Variants in ME1 observed in about 807,000 individuals in gnomAD.
ME1 encodes the protein NADP-dependent malic enzyme.
Under a neutral mutation model 66.4 loss-of-function variants are expected in ME1, and 74 were observed. The ratio of observed to expected loss-of-function variants is 1.11; its 90% CI spans 0.92 to 1.35. ME1 has a LOEUF of 1.35. Among genes scored for constraint, ME1 ranks in the 40% most tolerant of loss-of-function variants. ME1 has a pLI of 0.00. For synonymous variants in ME1, 251 were observed against 235.6 expected (o/e 1.07, Z -0.60); for missense variants, 750 against 694.1 (o/e 1.08, Z -0.90).
intron 8 of ME1, among the ~76,000 whole-genome samples, chr6:83,239,301 C>T (rs749761278): frequency 6.6e-5 from 10 of 151,948 alleles, no homozygotes; most frequent in Non-Finnish European, 1.2e-4. Flanking sequence ...CAAATACCTA[C>T]GGCAACATTT....
intron 3 of ME1, among the ~76,000 whole-genome samples, chr6:83,373,016 C>T (rs1769221849): frequency 6.6e-6 from 1 of 152,158 alleles, no homozygotes; most frequent in African/African-American, 2.4e-5. Flanking sequence ...CCCAGATATA[C>T]TGGCTAAAAC....
intron 6 of ME1, among the ~76,000 whole-genome samples, chr6:83,304,369 A>G (rs544776402): frequency 6.6e-6 from 1 of 152,328 alleles, no homozygotes; most frequent in Admixed American, 6.5e-5. Flanking sequence ...AAGAAATGTC[A>G]TTCTATGACA....
At position 83,401,292 on chromosome 6, in the gene ME1, G is replaced by A. The variant is rs529541895; in HGVS notation, c.213-2776C>T. On this transcript the variant is annotated intron_variant, in intron 2 of 13. Coordinates refer to ENST00000369705, the MANE Select transcript of ME1 (RefSeq NM_002395.6). The stretch of plus-strand genomic sequence containing the variant: ...TGAGACTACAGTGAGCTATGGTCAC[G>A]TCAGTGCACTGCAGCCTGGGCAATA... Among the ~76,000 whole-genome samples, 22 of 152,232 alleles carry A rather than the reference G, an allele frequency of 1.4e-4. No individual in the cohort carries two copies. In the East Asian group the frequency reaches 2.5e-3, roughly 17 times the overall value.
At chr6:83,234,903 G>A (rs1387047057) in intron 9 of ME1, among the ~76,000 whole-genome samples, 6 of 152,118 alleles carry the variant, frequency 3.9e-5, no homozygotes, top group Admixed American at 3.9e-4. Context: ...TCTCCTGTCT[G>A]TAAAGTGACT....
At chr6:83,247,182 G>A (rs1790639997) in intron 7 of ME1, among the ~76,000 whole-genome samples, 1 of 152,072 alleles carries the variant, frequency 6.6e-6, no homozygotes. Flanking sequence ...AGAGTGTCAT[G>A]TTACAGAGTA....
At chr6:83,346,133 T>A (rs1405426166) in intron 5 of ME1, 40 bp downstream of exon 5, 4 of 1,430,086 alleles carry the variant, frequency 2.8e-6, no homozygotes, top group Non-Finnish European at 3.7e-6. Flanking sequence ...GATGCCATTT[T>A]TAAAGGTACA....
intron 1 of ME1, among the ~76,000 whole-genome samples, chr6:83,411,241 G>A (rs1330032788): frequency 6.6e-6 from 1 of 152,136 alleles, no homozygotes; most frequent in African/African-American, 2.4e-5. Context: ...GCATGTACCT[G>A]TACTCCCAGC....
chr6:83,312,773 G>A (rs984316589), intron 6 of ME1, among the ~76,000 whole-genome samples: 1 of 151,866 alleles, frequency 6.6e-6, no homozygotes, highest in Admixed American at 6.6e-5. Flanking sequence ...ATTTTTTTAA[G>A]AAAGAGTCTT....
At chr6:83,412,265 A>G (rs1194410362) in intron 1 of ME1, among the ~76,000 whole-genome samples, 2 of 152,174 alleles carry the variant, frequency 1.3e-5, no homozygotes, top group East Asian at 3.8e-4. Flanking sequence ...TATCTTATTC[A>G]TAAAGATCTT....
At chr6:83,374,532 C>G (rs1237940256) in intron 3 of ME1, among the ~76,000 whole-genome samples, 2 of 152,040 alleles carry the variant, frequency 1.3e-5, no homozygotes, top group African/African-American at 4.8e-5. Context: ...AAAATTTTCT[C>G]CCATTCTGGA....
chr6:83,383,505 A>C (rs547850237), intron 3 of ME1, among the ~76,000 whole-genome samples: 8 of 152,028 alleles, frequency 5.3e-5, no homozygotes, highest in African/African-American at 1.9e-4. Context: ...GATAAACTCC[A>C]AAGTACTTTT....
At chr6:83,347,695 G>A (rs1343611329) in intron 4 of ME1, among the ~76,000 whole-genome samples, 1 of 151,990 alleles carries the variant, frequency 6.6e-6, no homozygotes, top group African/African-American at 2.4e-5. Context: ...GATATATAAA[G>A]AACTTACCAC....
intron 9 of ME1, among the ~76,000 whole-genome samples, chr6:83,231,577 G>A (rs7766207): frequency 0.04 from 6,085 of 152,120 alleles, 379 homozygotes; most frequent in African/African-American, 0.14. Context: ...TTCTAAATCC[G>A]GTAATACTGA....
At chr6:83,283,534 C>A (rs1015011817) in intron 6 of ME1, among the ~76,000 whole-genome samples, 8 of 151,952 alleles carry the variant, frequency 5.3e-5, no homozygotes, top group South Asian at 4.2e-4. Context: ...CACATGTATA[C>A]CTGTGTAACA....
intron 8 of ME1, among the ~76,000 whole-genome samples, chr6:83,238,366 T>C (rs2128525691): frequency 6.6e-6 from 1 of 152,308 alleles, no homozygotes; most frequent in Non-Finnish European, 1.5e-5. Context: ...GTAAATTTTA[T>C]AATTATCTGT....
intron 3 of ME1, among the ~76,000 whole-genome samples, chr6:83,376,804 C>CA (rs70987750): frequency 0.17 from 14,871 of 87,138 alleles, 2,301 homozygotes; most frequent in African/African-American, 0.38. Context: ...CCCTGTCTCA[C>CA]AAAAAAAAAA....
At chr6:83,239,823 T>C (rs1285230031) in intron 7 of ME1, among the ~76,000 whole-genome samples, 187 bp from the exon 8 acceptor site, 1 of 152,080 alleles carries the variant, frequency 6.6e-6, no homozygotes, top group Non-Finnish European at 1.5e-5. Flanking sequence ...TATTTTAAGA[T>C]AGCAGCTTAC....
rs150005855 is a variant in ME1 at position 83,247,289 on chromosome 6, C to T, written c.814+6340G>A. ...CCTTATTTTTTTCAGTCTGAATTTG[C>T]TGAATTCTGTTTGTCTTCAGATTAT... On this transcript the variant is annotated intron_variant, in intron 7 of 13. Transcript: ENST00000369705. Among the ~76,000 whole-genome samples the T allele has an allele frequency of 2.2e-4, 33 of 151,892 alleles. No individual in the cohort carries two copies. In the East Asian group the frequency reaches 6.4e-3, roughly 29 times the overall value.
intron 5 of ME1, among the ~76,000 whole-genome samples, chr6:83,343,071 G>A (rs1768619800): frequency 6.6e-6 from 1 of 152,130 alleles, no homozygotes; most frequent in African/African-American, 2.4e-5. Flanking sequence ...GTTGGTAACT[G>A]TAGTCACCCT....
Sources: gnomAD v4.1 joint callset for allele counts (sites outside exome capture counted in the v4.1 genomes callset) on GRCh38, gnomAD v4.1.1 for gene constraint, MANE v1.5 for transcripts, NCBI Gene and HGNC (gene_info 2026-07-23, HGNC 2026-07-21) for gene names.